The following CEP44 variants were observed in gnomAD, a reference collection of about 807,000 sequenced individuals.
CEP44 encodes the protein centrosomal protein of 44 kDa.
CEP44 carries 45 observed loss-of-function variants against 46.7 expected under a neutral mutation model. The ratio of observed to expected loss-of-function variants is 0.96; its 90% CI spans 0.76 to 1.24. CEP44 has a LOEUF of 1.24. Ranked by LOEUF, CEP44 falls within the 50% of genes most tolerant of loss-of-function variation. CEP44 has a pLI of 0.00. For synonymous variants in CEP44, 142 were observed against 146.0 expected, an observed-to-expected ratio of 0.97 and a Z score of 0.20; for missense variants, 475 against 459.7, an observed-to-expected ratio of 1.03 and a Z score of -0.30.
chr4:174,312,533 G>T lies in CEP44; in HGVS notation c.961+1675G>T, dbSNP rs2126646433. Among the ~76,000 whole-genome samples the T allele has an allele frequency of 6.6e-6, 1 of 152,064 alleles. No homozygotes were observed. The highest frequency in any genetic ancestry group is 1.5e-5 in the Non-Finnish European group (1 of 67,990). ...TGCTCAGGCTGGTCTTGAACTCCTG[G>T]GCTCAAGCAATCCTCCCATCTCTGC... is the stretch of plus-strand genomic sequence containing the variant. On this transcript the variant is annotated intron_variant, in intron 9 of 11. Transcript: ENST00000503780. This position sits in a 1 kb window ranked among gnomAD's most constrained non-coding sequence, Gnocchi z 4.5.
intron 6 of CEP44, among the ~76,000 whole-genome samples, chr4:174,307,146 A>G (rs1436675082): frequency 6.6e-6 from 1 of 152,172 alleles, no homozygotes; most frequent in Non-Finnish European, 1.5e-5. Flanking sequence ...AAAGACCCAA[A>G]TAGCCAAGGC....
intron 8 of CEP44, among the ~76,000 whole-genome samples, chr4:174,328,828 A>G (rs1207520014): frequency 2.0e-5 from 3 of 152,216 alleles, no homozygotes; most frequent in African/African-American, 7.2e-5. Flanking sequence ...TCAAGCCTAA[A>G]TCATCCTTTA....
Position 174,309,961 on chromosome 4 carries a change from A to C in CEP44, c.790A>C (p.Lys264Gln). 1 of 1,612,936 alleles carries C rather than the reference A, an allele frequency of 6.2e-7. No homozygotes were observed. The highest frequency in any genetic ancestry group is 8.5e-7 in the Non-Finnish European group (1 of 1,179,270). The change falls in exon 8 of 12, where the codon AAA becomes CAA. Residue 264 changes from lysine to glutamine, a missense_variant. Transcript: ENST00000503780. The surrounding 1 kb of genome is among the most constrained non-coding windows in gnomAD (Gnocchi z 5.3). The part of the protein sequence containing the change: ...IEKRLDCLEQ[K>Q]MKGKVMVDEN... ...GAAAAGGTTAGACTGTTTGGAACAAAAAATGAAAGGAAAAGTGATGGTAGA... is the reference window on the plus strand; with the variant it reads ...GAAAAGGTTAGACTGTTTGGAACAACAAATGAAAGGAAAAGTGATGGTAGA...
At position 174,286,827 on chromosome 4, in the gene CEP44, G is replaced by A. The variant is rs115073913; in HGVS notation, c.-148+2884G>A. On this transcript the variant is annotated intron_variant, in intron 1 of 11. Coordinates refer to ENST00000503780, the MANE Select transcript of CEP44 (RefSeq NM_001040157.3). The surrounding 1 kb of genome is among the most constrained non-coding windows in gnomAD (Gnocchi z 5.2). ...AGTTCGTTCAAATCTTTTGGTTCAC[G>A]TATGTGTTTTTCTGTTGTGTACATT... 8.5e-3 allele frequency among the ~76,000 whole-genome samples: 1,287 copies of A among 152,212 alleles called. 20 individuals are homozygous for A. Among genetic ancestry groups the A allele is most frequent in the African/African-American group, 0.03 (1,237 of 41,538 alleles).
Position 174,314,510 on chromosome 4 carries a change from T to C in CEP44, c.962-1656T>C, listed in dbSNP as rs1412889134. Among the ~76,000 whole-genome samples, 3 of 151,844 alleles carry C rather than the reference T, an allele frequency of 2.0e-5. No homozygotes were observed. The South Asian group carries it at 6.2e-4, about 32-fold the overall frequency. ...CCTGCCAGCCTGCCAAATACCAGCT[T>C]TCTCCCACCATGAGGCACACTCTTG... is the stretch of plus-strand genomic sequence containing the variant. On this transcript the variant is annotated intron_variant, in intron 9 of 11. Transcript: ENST00000503780. This position sits in a 1 kb window ranked among gnomAD's most constrained non-coding sequence, Gnocchi z 4.1.
In CEP44 at chr4:174,286,050, G is replaced by A. The variant is rs114956908; in HGVS notation, c.-148+2107G>A. Among the ~76,000 whole-genome samples the A allele has an allele frequency of 2.5e-3, 381 of 152,306 alleles. No homozygotes were observed. Among genetic ancestry groups the A allele is most frequent in the African/African-American group, 8.8e-3 (367 of 41,566 alleles). On this transcript the variant is annotated intron_variant, in intron 1 of 11. Coordinates refer to ENST00000503780, the MANE Select transcript of CEP44 (RefSeq NM_001040157.3). This position sits in a 1 kb window ranked among gnomAD's most constrained non-coding sequence, Gnocchi z 5.2. ...TGTCTAGAAATGTAAATGTTTAGTT[G>A]AAGTAATTTATTGGCTGAAAAATAG...
rs1579159654 is a variant in CEP44 at position 174,318,010 on chromosome 4, G to A, written c.*627G>A. 1 of 985,218 alleles carries A rather than the reference G, an allele frequency of 1.0e-6. No homozygotes were observed. The highest frequency in any genetic ancestry group is 1.1e-4 in the East Asian group (1 of 8,806). The allele number at this position is 985,218 out of a possible 1,614,324, so 61.0% of individuals were successfully genotyped here. ...TCAAGTTTAGACCAAGAGGACTATG[G>A]TCTCAAGGTTCACCATGAGAAATGT... On this transcript the variant is annotated 3_prime_UTR_variant, in exon 12 of 12. Transcript: ENST00000503780.
chr4:174,309,700 A>T lies in CEP44; in HGVS notation c.679-150A>T. The T allele has an allele frequency of 1.7e-6, 1 of 571,690 alleles. No homozygotes were observed. Among genetic ancestry groups the T allele is most frequent in the Non-Finnish European group, 3.1e-6 (1 of 325,700 alleles). 35.4% of individuals were successfully genotyped at this position (571,690 alleles called of 1,614,324 possible). On this transcript the variant is annotated intron_variant, in intron 7 of 11. Transcript: ENST00000503780. This position sits in a 1 kb window ranked among gnomAD's most constrained non-coding sequence, Gnocchi z 5.3. ...ATCTCAGAACTGGTTTAAGTGGCCA[A>T]GTAGTCTCCATCCAGAGATAGCTCT...
In CEP44 at chr4:174,319,696, C is replaced by T. The variant is rs1329911414; in HGVS notation, c.*2313C>T. On this transcript the variant is annotated 3_prime_UTR_variant, in exon 12 of 12. Transcript: ENST00000503780. Reference sequence around the variant, plus strand: ...AATTTAGAATCCAAATTTTCTTAAACTTTAATAACTTGTCTAACAACTCTC... The same window carrying T: ...AATTTAGAATCCAAATTTTCTTAAATTTTAATAACTTGTCTAACAACTCTC... The T allele has an allele frequency of 1.2e-6, 1 of 834,944 alleles. No homozygotes were observed. The highest frequency in any genetic ancestry group is 1.4e-6 in the Non-Finnish European group (1 of 692,014). 51.7% of individuals were successfully genotyped at this position (834,944 alleles called of 1,614,324 possible). A position where few individuals can be genotyped will look rare whatever the true frequency, so the allele number is the denominator to read the frequency against.
intron 4 of CEP44, among the ~76,000 whole-genome samples, chr4:174,302,867 G>A (rs138695168): frequency 0.017 from 2,622 of 150,126 alleles, 66 homozygotes; most frequent in African/African-American, 0.06. Context: ...TGCAGTCTCC[G>A]CCTCCTGGGT....
Position 174,314,551 on chromosome 4 carries a change from C to T in CEP44, c.962-1615C>T, listed in dbSNP as rs1254051142. 6.6e-6 allele frequency among the ~76,000 whole-genome samples: 1 copy of T among 152,104 alleles called. No homozygotes were observed. The highest frequency in any genetic ancestry group is 1.5e-5 in the Non-Finnish European group (1 of 68,018). On this transcript the variant is annotated intron_variant, in intron 9 of 11. Coordinates refer to ENST00000503780, the MANE Select transcript of CEP44 (RefSeq NM_001040157.3). The surrounding 1 kb of genome is among the most constrained non-coding windows in gnomAD (Gnocchi z 4.1). ...CACACTCTTGAATAAGGTTAGACAC[C>T]GCAAAGTCTGGACCCCAAAATGGAA...
rs1739159670 is a variant in CEP44 at position 174,297,373 on chromosome 4, T to G, written c.-147-593T>G. Among the ~76,000 whole-genome samples, 1 of 152,210 alleles carries G rather than the reference T, an allele frequency of 6.6e-6. No homozygotes were observed. The highest frequency in any genetic ancestry group is 6.5e-5 in the Admixed American group (1 of 15,288). On this transcript the variant is annotated intron_variant, in intron 1 of 11. Coordinates refer to ENST00000503780, the MANE Select transcript of CEP44 (RefSeq NM_001040157.3). The surrounding 1 kb of genome is among the most constrained non-coding windows in gnomAD (Gnocchi z 4.3). Reference sequence around the variant, plus strand: ...TATACTTTTCATACTGAAGCTTCCCTCTAATAGTTATTGACCTTTGGGCAT... The same window carrying G: ...TATACTTTTCATACTGAAGCTTCCCGCTAATAGTTATTGACCTTTGGGCAT...
rs1741916180 is a variant in CEP44, at chr4:174,317,912, T to C, written c.*529T>C. The C allele has an allele frequency of 2.0e-6, 2 of 985,518 alleles. No individual in the cohort carries two copies. The highest frequency in any genetic ancestry group is 2.4e-6 in the Non-Finnish European group (2 of 829,900). The allele number at this position is 985,518 out of a possible 1,614,324, so 61.0% of individuals were successfully genotyped here. A position where few individuals can be genotyped will look rare whatever the true frequency, so the allele number is the denominator to read the frequency against. ...GCTTGGTCAAAAACATCAATACCTT[T>C]CCAATTAACACTGAGAAATTAAGGT... On this transcript the variant is annotated 3_prime_UTR_variant, in exon 12 of 12. Coordinates refer to ENST00000503780, the MANE Select transcript of CEP44 (RefSeq NM_001040157.3).
At position 174,329,108 on chromosome 4, in the gene CEP44, G is replaced by C. The variant is rs1180042728; in HGVS notation, c.1087-2374G>C. ...ACTACAGATGTGTGCCACTGCACCT[G>C]GATTTTTTTTTATTGGTATTTTTTC... On this transcript the variant is annotated intron_variant, in intron 8 of 8. Coordinates refer to the CEP44 transcript ENST00000426172. This position sits in a 1 kb window ranked among gnomAD's most constrained non-coding sequence, Gnocchi z 4.0. Among the ~76,000 whole-genome samples the C allele has an allele frequency of 1.3e-5, 2 of 151,920 alleles. No individual in the cohort carries two copies. Among genetic ancestry groups the C allele is most frequent in the Non-Finnish European group, 2.9e-5 (2 of 67,978 alleles).
In CEP44 at chr4:174,318,083, G is replaced by T. The variant is rs1242996608; in HGVS notation, c.*700G>T. 78 of 984,658 alleles carry T rather than the reference G, an allele frequency of 7.9e-5. No individual in the cohort carries two copies. The highest frequency in any genetic ancestry group is 8.9e-5 in the Non-Finnish European group (74 of 829,406). 61.0% of individuals were successfully genotyped at this position (984,658 alleles called of 1,614,324 possible). On this transcript the variant is annotated 3_prime_UTR_variant, in exon 12 of 12. Transcript: ENST00000503780. Reference sequence around the variant, plus strand: ...ATTGTATAATTTTTTTGGAGGGGGGGATGGAGTTTCGCTGTTGTTGCCCAG... The same window carrying T: ...ATTGTATAATTTTTTTGGAGGGGGGTATGGAGTTTCGCTGTTGTTGCCCAG...
At position 174,291,787 on chromosome 4, in the gene CEP44, C is replaced by CTTTTTTTTTTTT. The variant is rs56201469; in HGVS notation, c.-147-6165_-147-6154dup. Among the ~76,000 whole-genome samples, 26 of 46,404 alleles carry CTTTTTTTTTTTT rather than the reference C, an allele frequency of 5.6e-4. 1 individual carries two copies. The highest frequency in any genetic ancestry group is 8.8e-4 in the East Asian group (1 of 1,140). The allele number at this position is 46,404 out of a possible 152,430, so 30.4% of individuals were successfully genotyped here. On this transcript the variant is annotated intron_variant, in intron 1 of 11. Transcript: ENST00000503780. ...CTTTATTCTTTTATCTTTTTCTTTT[C>CTTTTTTTTTTTT]TTTTTTTTTTTTTTTTTTTTTTTTT...
chr4:174,328,858 G>T (rs1731158714), intron 8 of CEP44, among the ~76,000 whole-genome samples: 1 of 152,038 alleles, frequency 6.6e-6, no homozygotes, highest in South Asian at 2.1e-4. Flanking sequence ...ATTAAAATAG[G>T]TTTCTATTCT....
At position 174,312,103 on chromosome 4, in the gene CEP44, A is replaced by G. The variant is rs1579137894; in HGVS notation, c.961+1245A>G. 6.6e-6 allele frequency among the ~76,000 whole-genome samples: 1 copy of G among 152,156 alleles called. No individual in the cohort carries two copies. Among genetic ancestry groups the G allele is most frequent in the African/African-American group, 2.4e-5 (1 of 41,430 alleles). ...CGGTGCTTTTATCACCAGTATTTGC[A>G]TATAGTAGAGTTTAAATATTTATTC... On this transcript the variant is annotated intron_variant, in intron 9 of 11. Transcript: ENST00000503780. The surrounding 1 kb of genome is among the most constrained non-coding windows in gnomAD (Gnocchi z 4.5).
Position 174,320,038 on chromosome 4 carries a change from A to G in CEP44, c.*2655A>G. On this transcript the variant is annotated 3_prime_UTR_variant, in exon 12 of 12. Transcript: ENST00000503780. Reference sequence around the variant, plus strand: ...TTTTCATTCTCTCATAAACTGGTTGAAAAAACACTGTACTACCAACAAAGG... The same window carrying G: ...TTTTCATTCTCTCATAAACTGGTTGGAAAAACACTGTACTACCAACAAAGG... 1.0e-6 allele frequency: 1 copy of G among 985,240 alleles called. No homozygotes were observed. The highest frequency in any genetic ancestry group is 1.2e-6 in the Non-Finnish European group (1 of 829,808). The allele number at this position is 985,240 out of a possible 1,614,324, so 61.0% of individuals were successfully genotyped here. A position where few individuals can be genotyped will look rare whatever the true frequency, so the allele number is the denominator to read the frequency against.
Sources: gnomAD v4.1 joint callset for allele counts (sites outside exome capture counted in the v4.1 genomes callset) on GRCh38, gnomAD v4.1.1 for gene constraint, Gnocchi (gnomAD v3.1) non-coding constraint, MANE v1.5 for transcripts, NCBI Gene and HGNC (gene_info 2026-07-23, HGNC 2026-07-21) for gene names.